OTOF: variants seen among roughly 807,000 people sequenced by gnomAD.
OTOF encodes fer-1-like family member 2.
A neutral mutation model predicts 236.8 loss-of-function variants in OTOF; 218 were observed. The observed-to-expected ratio is 0.92, with a 90% CI of 0.82 to 1.03. The LOEUF is 1.03. Ranked by LOEUF, OTOF falls within the 50% of genes least tolerant of loss-of-function variation. The pLI is 0.00. For missense variants in OTOF, 2,590 were observed against 2,694.4 expected (o/e 0.96, Z 0.86); for synonymous variants, 1,041 against 1,072.5 (o/e 0.97, Z 0.57).
intron 15 of OTOF, among the ~76,000 whole-genome samples, 189 bp from the exon 16 acceptor site, chr2:26,480,500 CA>C (rs1375271415): frequency 6.6e-6 from 1 of 152,204 alleles, no homozygotes; most frequent in Non-Finnish European, 1.5e-5. Flanking sequence ...GGGCTGGCTG[CA>C]GACACCACAG....
At chr2:26,518,966 G>T in intron 4 of OTOF, 44 bp downstream of exon 4, 1 of 1,342,064 alleles carries the variant, frequency 7.5e-7, no homozygotes, top group Non-Finnish European at 1.1e-6. Context: ...ACCCCCAGAT[G>T]GCCCCATATG....
intron 10 of OTOF, 61 bp from the exon 11 acceptor site, chr2:26,489,356 C>T: frequency 7.6e-7 from 1 of 1,314,422 alleles, no homozygotes; most frequent in Non-Finnish European, 1.1e-6. Flanking sequence ...TTCCATGGGG[C>T]AGTGGTGGGA....
rs760180130 is a variant in OTOF, at chr2:26,460,812, C to G, written c.5712+40G>C. The G allele has an allele frequency of 6.2e-7, 1 of 1,613,808 alleles. No homozygotes were observed. ...CTGGGCCCTTGGCACCCCAGCCAGTCCCAGCCCTGCCTACTGCCCGAGCAG... is the reference window on the plus strand; with the variant it reads ...CTGGGCCCTTGGCACCCCAGCCAGTGCCAGCCCTGCCTACTGCCCGAGCAG... On this transcript the variant is annotated intron_variant, in intron 44 of 46. Coordinates refer to ENST00000272371, the MANE Select transcript of OTOF (RefSeq NM_194248.3). The surrounding 1 kb of genome is among the most constrained non-coding windows in gnomAD (Gnocchi z 5.3).
At chr2:26,497,029 G>A (rs1666002482) in intron 8 of OTOF, among the ~76,000 whole-genome samples, 1 of 149,320 alleles carries the variant, frequency 6.7e-6, no homozygotes, top group African/African-American at 2.4e-5. Context: ...TCTCAAACGT[G>A]TGTTTTAACA....
intron 39 of OTOF, 87 bp downstream of exon 39, chr2:26,464,782 T>G: frequency 4.5e-6 from 6 of 1,341,650 alleles, no homozygotes; most frequent in South Asian, 1.4e-5. Context: ...GGCTAGGCTG[T>G]GAGGTTCCCC....
In OTOF at chr2:26,558,666, G is replaced by A; in HGVS notation, c.-95C>T. On this transcript the variant is annotated 5_prime_UTR_variant, in exon 1 of 47. Coordinates refer to ENST00000272371, the MANE Select transcript of OTOF (RefSeq NM_194248.3). Reference sequence around the variant, plus strand: ...ACACGCCTCTCTCTTCTCTGCCGCTGCCTCCTCCTCCTCCTCCCGACCCCC... The same window carrying A: ...ACACGCCTCTCTCTTCTCTGCCGCTACCTCCTCCTCCTCCTCCCGACCCCC... 9.2e-7 allele frequency: 1 copy of A among 1,089,008 alleles called. No individual in the cohort carries two copies. The highest frequency in any genetic ancestry group is 1.4e-6 in the Non-Finnish European group (1 of 714,668). 67.5% of individuals were successfully genotyped at this position (1,089,008 alleles called of 1,614,324 possible).
At chr2:26,458,614 G>A (rs576402513) in intron 46 of OTOF, among the ~76,000 whole-genome samples, 9 of 152,122 alleles carry the variant, frequency 5.9e-5, no homozygotes, top group South Asian at 2.1e-4. Flanking sequence ...TGTTCCCACC[G>A]GGCCCTGCTG....
intron 1 of OTOF, 47 bp downstream of exon 1, chr2:26,558,446 G>C (rs760744642): frequency 1.8e-5 from 28 of 1,521,386 alleles, no homozygotes; most frequent in Non-Finnish European, 2.5e-5. Flanking sequence ...GCATGGGCTG[G>C]TCCAGCTCTC....
At chr2:26,481,904 C>T (rs1665549945) in intron 14 of OTOF, among the ~76,000 whole-genome samples, 1 of 152,178 alleles carries the variant, frequency 6.6e-6, no homozygotes, top group African/African-American at 2.4e-5. Context: ...TCTATCTCCT[C>T]AATACACAGT....
chr2:26,538,008 G>A (rs1667116797), intron 1 of OTOF, among the ~76,000 whole-genome samples: 1 of 151,972 alleles, frequency 6.6e-6, no homozygotes, highest in Admixed American at 6.5e-5. Flanking sequence ...TTCCATGTTA[G>A]GAACGGGAAT....
At position 26,465,098 on chromosome 2, in the gene OTOF, G is replaced by C. The variant is rs149810107; in HGVS notation, c.4800-69C>G. 9.5e-5 allele frequency: 128 copies of C among 1,352,214 alleles called. 1 individual carries two copies. In the East Asian group the frequency reaches 3.2e-3, roughly 33 times the overall value. 83.8% of individuals were successfully genotyped at this position (1,352,214 alleles called of 1,614,324 possible). On this transcript the variant is annotated intron_variant, in intron 38 of 46. Coordinates refer to ENST00000272371, the MANE Select transcript of OTOF (RefSeq NM_194248.3). ...AAGCCATCCTGGATGACAGCTGGTC[G>C]TGGCCAGTTCTCTAAAGTTGGCTGT...
At chr2:26,493,239 C>T (rs1008134995) in intron 9 of OTOF, among the ~76,000 whole-genome samples, 3 of 152,122 alleles carry the variant, frequency 2.0e-5, no homozygotes, top group Admixed American at 6.5e-5. Flanking sequence ...AAGGAGAGTT[C>T]GGCCAGGCCT....
intron 5 of OTOF, among the ~76,000 whole-genome samples, chr2:26,511,881 T>TA (rs1413084738): frequency 6.6e-6 from 1 of 152,100 alleles, no homozygotes; most frequent in Non-Finnish European, 1.5e-5. Flanking sequence ...GAAACCGATT[T>TA]AAAAACACTC....
At chr2:26,484,365 A>G (rs892379487) in intron 12 of OTOF, 109 bp downstream of exon 12, 2 of 1,164,566 alleles carry the variant, frequency 1.7e-6, no homozygotes, top group Non-Finnish European at 2.5e-6. Context: ...GAGCGAGAGC[A>G]GGGTGAGGGA....
In OTOF at chr2:26,473,300, G is replaced by C; in HGVS notation, c.3571-6C>G. 6.2e-7 allele frequency: 1 copy of C among 1,613,300 alleles called. No homozygotes were observed. Among genetic ancestry groups the C allele is most frequent in the Non-Finnish European group, 8.5e-7 (1 of 1,179,860 alleles). ...AGCTCGTTCTCTGGGAGGTCCTGGGGTGTTGGCGACAGGAGCCTGAGCCTC... is the reference window on the plus strand; with the variant it reads ...AGCTCGTTCTCTGGGAGGTCCTGGGCTGTTGGCGACAGGAGCCTGAGCCTC... On this transcript the variant is annotated splice_region_variant and splice_polypyrimidine_tract_variant and intron_variant, in intron 28 of 46. Transcript: ENST00000272371. This position sits in a 1 kb window ranked among gnomAD's most constrained non-coding sequence, Gnocchi z 7.2.
intron 2 of OTOF, among the ~76,000 whole-genome samples, chr2:26,533,416 G>GTCTCTGTGTCTCTGTCTCTCTC (rs1332953624): frequency 1.3e-5 from 2 of 152,124 alleles, no homozygotes; most frequent in Non-Finnish European, 2.9e-5. Flanking sequence ...CAAAGGCTGG[G>GTCTCTGTGTCTCTGTCTCTCTC]TCTCTGTGTC....
At chr2:26,528,008 C>A in intron 2 of OTOF, 88 bp from the exon 3 acceptor site, 1 of 932,362 alleles carries the variant, frequency 1.1e-6, no homozygotes, top group Non-Finnish European at 1.8e-6. Context: ...TGGGGATCTC[C>A]AACAGTCAGA....
intron 18 of OTOF, among the ~76,000 whole-genome samples, chr2:26,478,844 G>T (rs1482342195): frequency 2.0e-5 from 3 of 152,146 alleles, no homozygotes; most frequent in African/African-American, 7.2e-5. Flanking sequence ...GATTACAGGT[G>T]CCCGCCACCA....
At chr2:26,489,630 G>A (rs1665788422) in intron 10 of OTOF, 48 bp downstream of exon 10, 2 of 1,488,886 alleles carry the variant, frequency 1.3e-6, no homozygotes, top group Non-Finnish European at 1.9e-6. Context: ...GCACAAAGGT[G>A]CAGTTTGAGG....
Sources: allele counts gnomAD v4.1 joint callset (sites outside exome capture counted in the v4.1 genomes callset), GRCh38; gene constraint gnomAD v4.1.1; non-coding constraint Gnocchi (gnomAD v3.1); transcripts MANE v1.5; gene names NCBI Gene and HGNC (gene_info 2026-07-23, HGNC 2026-07-21).